Variants in TRIM24 observed in about 807,000 individuals in gnomAD.
TRIM24 encodes tripartite motif containing 24, also known as transcription intermediary factor 1-alpha.
In TRIM24, 29 loss-of-function variants were observed where a neutral mutation model predicts 123.9. The ratio of observed to expected loss-of-function variants is 0.23; its 90% CI spans 0.17 to 0.32. The LOEUF is 0.32. TRIM24 is among the 10% of genes least tolerant of loss of function. The pLI is 1.00. For synonymous variants in TRIM24, 456 were observed against 461.1 expected (o/e 0.99, Z 0.14); for missense variants, 932 against 1,295.3 (o/e 0.72, Z 4.31).
chr7:138,499,466 C>T (rs982352321), intron 1 of TRIM24, among the ~76,000 whole-genome samples: 2 of 152,160 alleles, frequency 1.3e-5, no homozygotes, highest in South Asian at 2.1e-4. Flanking sequence ...CATTGCAAAT[C>T]GGTCCCTCAA....
chr7:138,501,123 G>A (rs1003896184), intron 1 of TRIM24, among the ~76,000 whole-genome samples: 2 of 152,170 alleles, frequency 1.3e-5, no homozygotes, highest in Admixed American at 1.3e-4. Context: ...CAGTAGGCTT[G>A]TTTACACCAG....
chr7:138,466,867 C>G (rs755833099), intron 1 of TRIM24, among the ~76,000 whole-genome samples: 1 of 151,878 alleles, frequency 6.6e-6, no homozygotes, highest in Non-Finnish European at 1.5e-5. Context: ...CAATTTTTTG[C>G]CTACCCCAAG....
intron 3 of TRIM24, among the ~76,000 whole-genome samples, chr7:138,516,813 GTTTT>G (rs77546595): frequency 7.6e-6 from 1 of 132,448 alleles, no homozygotes; most frequent in Non-Finnish European, 1.6e-5. Context: ...AAACCGTTTT[GTTTT>G]TTTTTTTTTT....
At chr7:138,547,835 G>T (rs938230132) in intron 7 of TRIM24, among the ~76,000 whole-genome samples, 2 of 152,064 alleles carry the variant, frequency 1.3e-5, no homozygotes, top group East Asian at 3.8e-4. Context: ...TAGTAGAGAC[G>T]GGGTTTCATG....
chr7:138,495,146 A>G (rs2116507354), intron 1 of TRIM24, among the ~76,000 whole-genome samples: 1 of 152,360 alleles, frequency 6.6e-6, no homozygotes, highest in Admixed American at 6.5e-5. Flanking sequence ...GATTATTTAT[A>G]GGGAAGGTGA....
intron 7 of TRIM24, among the ~76,000 whole-genome samples, chr7:138,546,253 A>G (rs906375065): frequency 2.0e-5 from 3 of 152,208 alleles, no homozygotes; most frequent in African/African-American, 7.2e-5. Flanking sequence ...TACTGTAACT[A>G]AGTCTGATCA....
intron 1 of TRIM24, among the ~76,000 whole-genome samples, chr7:138,465,039 T>C (rs995693151): frequency 6.6e-6 from 1 of 152,238 alleles, no homozygotes; most frequent in African/African-American, 2.4e-5. Flanking sequence ...TAACACATTT[T>C]TCTTACAAAA....
intron 1 of TRIM24, among the ~76,000 whole-genome samples, chr7:138,474,154 C>T (rs1471045437): frequency 7.4e-6 from 1 of 135,654 alleles, no homozygotes; most frequent in South Asian, 2.3e-4. Flanking sequence ...GAGACGGAGT[C>T]TTGCTGTATC....
At chr7:138,501,114 A>C (rs1490460393) in intron 1 of TRIM24, among the ~76,000 whole-genome samples, 1 of 152,236 alleles carries the variant, frequency 6.6e-6, no homozygotes, top group Non-Finnish European at 1.5e-5. Flanking sequence ...CTGGCAGCTC[A>C]GTAGGCTTGT....
chr7:138,508,724 T>TGTGTGC (rs1796220090), intron 2 of TRIM24, among the ~76,000 whole-genome samples: 4 of 148,820 alleles, frequency 2.7e-5, no homozygotes, highest in African/African-American at 7.4e-5. Context: ...TGTGTGCGTG[T>TGTGTGC]GTGTGTGTGT....
chr7:138,474,175 G>T (rs1232707262), intron 1 of TRIM24, among the ~76,000 whole-genome samples: 1 of 148,868 alleles, frequency 6.7e-6, no homozygotes, highest in Non-Finnish European at 1.5e-5. Context: ...ACCCAGGCTG[G>T]AGTGCAGTGG....
chr7:138,543,377 C>T (rs1797041012), intron 7 of TRIM24, among the ~76,000 whole-genome samples: 1 of 152,080 alleles, frequency 6.6e-6, no homozygotes, highest in Non-Finnish European at 1.5e-5. Context: ...TAATAATTTG[C>T]CTGTAATGCA....
At chr7:138,551,364 T>C (rs560907144) in intron 8 of TRIM24, among the ~76,000 whole-genome samples, 184 bp downstream of exon 8, 1 of 152,266 alleles carries the variant, frequency 6.6e-6, no homozygotes, top group South Asian at 2.1e-4. Context: ...CTGAGCAACA[T>C]AGGGAGAGCC....
In TRIM24 at chr7:138,554,555, G is replaced by T. The variant is rs1209780049; in HGVS notation, c.1262-143G>T. Reference sequence around the variant, plus strand: ...TTAGATGAACAAAAGCTGTTTGGGGGTTCTCTTTCAGAGTGTTAAAGGGCT... The same window carrying T: ...TTAGATGAACAAAAGCTGTTTGGGGTTTCTCTTTCAGAGTGTTAAAGGGCT... On this transcript the variant is annotated intron_variant, in intron 8 of 18. Transcript: ENST00000343526. The surrounding 1 kb of genome is among the most constrained non-coding windows in gnomAD (Gnocchi z 4.5). 5.9e-6 allele frequency: 4 copies of T among 682,202 alleles called. No individual in the cohort carries two copies. The highest frequency in any genetic ancestry group is 4.1e-4 in the Middle Eastern group (1 of 2,450). The allele number at this position is 682,202 out of a possible 1,614,324, so 42.3% of individuals were successfully genotyped here.
At position 138,583,959 on chromosome 7, in the gene TRIM24, A is replaced by G; in HGVS notation, c.2903A>G (p.Asp968Gly). Residue 968 changes from aspartate to glycine, a missense_variant, in exon 18 of 19, where the codon GAT (aspartate) becomes GGT (glycine). Coordinates refer to ENST00000343526, the MANE Select transcript of TRIM24 (RefSeq NM_015905.3). ...TCAAAACCTGAAGATTTTGTAGCTGATTTTAGATTGATCTTTCAAAACTGT... is the reference window on the plus strand; with the variant it reads ...TCAAAACCTGAAGATTTTGTAGCTGGTTTTAGATTGATCTTTCAAAACTGT... ...MYSKPEDFVA[D>G]FRLIFQNCAE... The G allele has an allele frequency of 6.2e-7, 1 of 1,610,120 alleles. No homozygotes were observed. Among genetic ancestry groups the G allele is most frequent in the Non-Finnish European group, 8.5e-7 (1 of 1,179,024 alleles).
chr7:138,547,738 G>C (rs1300401607), intron 7 of TRIM24, among the ~76,000 whole-genome samples: 1 of 152,094 alleles, frequency 6.6e-6, no homozygotes, highest in Non-Finnish European at 1.5e-5. Context: ...TTGCCTCCCA[G>C]GTTCCAGTGA....
intron 9 of TRIM24, among the ~76,000 whole-genome samples, chr7:138,556,620 C>G (rs1797321495): frequency 6.6e-6 from 1 of 152,150 alleles, no homozygotes; most frequent in African/African-American, 2.4e-5. Context: ...ATTTATTTTG[C>G]AATACATTCC....
chr7:138,548,351 G>A (rs553743734), intron 7 of TRIM24, among the ~76,000 whole-genome samples: 1 of 152,208 alleles, frequency 6.6e-6, no homozygotes, highest in East Asian at 1.9e-4. Flanking sequence ...GGTACACCAT[G>A]GAGGTTGCAG....
Position 138,460,422 on chromosome 7 carries a change from C to G in TRIM24, c.-127C>G. 1.9e-6 allele frequency: 2 copies of G among 1,076,614 alleles called. No individual in the cohort carries two copies. Among genetic ancestry groups the G allele is most frequent in the South Asian group, 4.3e-5 (1 of 23,342 alleles). The allele number at this position is 1,076,614 out of a possible 1,614,324, so 66.7% of individuals were successfully genotyped here. On this transcript the variant is annotated 5_prime_UTR_variant, in exon 1 of 19. Transcript: ENST00000343526. ...CCCCCGCCCGGTTTGCTTTCCCTCC[C>G]TCGCTGGCGCTGCCGCGAGTCCACC...
Sources: allele counts gnomAD v4.1 joint callset (sites outside exome capture counted in the v4.1 genomes callset), GRCh38; gene constraint gnomAD v4.1.1; non-coding constraint Gnocchi (gnomAD v3.1); transcripts MANE v1.5; gene names NCBI Gene and HGNC (gene_info 2026-07-23, HGNC 2026-07-21).